Variants in UGGT1 observed in about 807,000 individuals in gnomAD.
UGGT1 encodes UDP-glucose:glycoprotein glucosyltransferase 1.
A neutral mutation model predicts 203.9 loss-of-function variants in UGGT1; 107 were observed. That is an observed-to-expected ratio of 0.52 (90% CI 0.45 to 0.62). The LOEUF (loss-of-function observed/expected upper bound fraction) is 0.62. Among genes scored for constraint, UGGT1 ranks in the 20% least tolerant of loss-of-function variants. The pLI is 0.00. For synonymous variants in UGGT1, 628 were observed against 653.5 expected (o/e 0.96, Z 0.59); for missense variants, 1,673 against 1,867.2 (o/e 0.90, Z 1.92).
intron 33 of UGGT1, among the ~76,000 whole-genome samples, chr2:128,178,184 G>A (rs768944351): frequency 2.0e-5 from 3 of 152,220 alleles, no homozygotes; most frequent in Non-Finnish European, 4.4e-5. Flanking sequence ...AAATTTGACT[G>A]CTCCCTGCTC....
chr2:128,111,327 C>G (rs1158893742), intron 5 of UGGT1, among the ~76,000 whole-genome samples: 2 of 151,942 alleles, frequency 1.3e-5, no homozygotes, highest in African/African-American at 4.8e-5. Context: ...TGCACTCTAC[C>G]TTGGGCAACA....
chr2:128,107,392 A>C (rs1175560284), intron 3 of UGGT1, among the ~76,000 whole-genome samples: 1 of 152,026 alleles, frequency 6.6e-6, no homozygotes, highest in Non-Finnish European at 1.5e-5. Flanking sequence ...TCCTCATGAC[A>C]CTGCTCAGTT....
chr2:128,133,316 C>G, intron 14 of UGGT1, 56 bp downstream of exon 14: 1 of 1,592,698 alleles, frequency 6.3e-7, no homozygotes, highest in Non-Finnish European at 8.6e-7. Flanking sequence ...CCTAGTCCCT[C>G]TTTTTTTGTC....
At chr2:128,120,174 C>T (rs1376474374) in intron 8 of UGGT1, among the ~76,000 whole-genome samples, 182 bp from the exon 9 acceptor site, 1 of 152,098 alleles carries the variant, frequency 6.6e-6, no homozygotes, top group East Asian at 1.9e-4. Context: ...GAGTTTTAAA[C>T]TAGCTTCTAA....
chr2:128,182,086 C>T (rs1172216427), intron 36 of UGGT1, 44 bp from the exon 37 acceptor site: 1 of 1,593,254 alleles, frequency 6.3e-7, no homozygotes. Context: ...CGCATTAGAG[C>T]TGTCTGCATG....
chr2:128,095,467 TTCCTCC>T (rs1383111022), intron 1 of UGGT1, among the ~76,000 whole-genome samples: 1 of 136,108 alleles, frequency 7.3e-6, no homozygotes, highest in African/African-American at 2.7e-5. Flanking sequence ...TTCTTTCCTC[TTCCTCC>T]TCCTCCTCTT....
intron 4 of UGGT1, among the ~76,000 whole-genome samples, chr2:128,108,461 C>T (rs546209571): frequency 2.6e-5 from 4 of 152,020 alleles, no homozygotes; most frequent in African/African-American, 9.7e-5. Flanking sequence ...ATTCAGGAAT[C>T]GTTGTAGTAA....
At chr2:128,112,262 A>G (rs1019704116) in intron 5 of UGGT1, among the ~76,000 whole-genome samples, 3 of 150,654 alleles carry the variant, frequency 2.0e-5, no homozygotes, top group South Asian at 4.2e-4. Context: ...CTCTACTAAA[A>G]ATACAAAAAT....
chr2:128,131,049 A>G (rs1364171754), intron 13 of UGGT1, among the ~76,000 whole-genome samples: 5 of 151,622 alleles, frequency 3.3e-5, no homozygotes, highest in South Asian at 2.1e-4. Context: ...CCTGGGCAAC[A>G]TGGTGAAACC....
At chr2:128,122,470 G>C (rs540286639) in intron 10 of UGGT1, among the ~76,000 whole-genome samples, 4 of 151,518 alleles carry the variant, frequency 2.6e-5, no homozygotes, top group African/African-American at 9.7e-5. Flanking sequence ...GGAGGTGAAG[G>C]TTACAGTGAG....
intron 26 of UGGT1, 106 bp from the exon 27 acceptor site, chr2:128,170,182 T>C: frequency 1.2e-6 from 1 of 858,498 alleles, no homozygotes; most frequent in Non-Finnish European, 1.9e-6. Context: ...TCTTTCTAGA[T>C]CTAAAGTTCT....
chr2:128,099,688 T>C lies in UGGT1; in HGVS notation c.194+2124T>C, dbSNP rs75123687. Reference sequence around the variant, plus strand: ...CTCTCTCTGCCTTTCTTTCTCAGCATAGAAGTGGCAAAACAAAGACAAAAC... The same window carrying C: ...CTCTCTCTGCCTTTCTTTCTCAGCACAGAAGTGGCAAAACAAAGACAAAAC... On this transcript the variant is annotated intron_variant, in intron 2 of 40. Coordinates refer to ENST00000259253, the MANE Select transcript of UGGT1 (RefSeq NM_020120.4). Among the ~76,000 whole-genome samples, 384 of 152,322 alleles carry C rather than the reference T, an allele frequency of 2.5e-3. 3 individuals are homozygous for C. Among genetic ancestry groups the C allele is most frequent in the African/African-American group, 8.9e-3 (370 of 41,582 alleles).
intron 5 of UGGT1, among the ~76,000 whole-genome samples, chr2:128,111,815 A>G (rs1687868117): frequency 6.6e-6 from 1 of 151,798 alleles, no homozygotes; most frequent in South Asian, 2.1e-4. Flanking sequence ...TTTTTAAATA[A>G]AAAGCTAATC....
intron 14 of UGGT1, among the ~76,000 whole-genome samples, chr2:128,134,439 A>C (rs1374702265): frequency 6.6e-6 from 1 of 152,240 alleles, no homozygotes; most frequent in Non-Finnish European, 1.5e-5. Flanking sequence ...GAATACGTCT[A>C]AGTTGCTTAA....
chr2:128,106,392 A>G (rs1335533693), intron 3 of UGGT1, among the ~76,000 whole-genome samples: 2 of 152,164 alleles, frequency 1.3e-5, no homozygotes, highest in African/African-American at 4.8e-5. Context: ...TGTTTGAAAT[A>G]TTATTTATAT....
intron 31 of UGGT1, among the ~76,000 whole-genome samples, chr2:128,175,253 A>G (rs1282662913): frequency 6.6e-6 from 1 of 152,228 alleles, no homozygotes; most frequent in Non-Finnish European, 1.5e-5. Context: ...TTGCAAATGC[A>G]CAGTACATGG....
intron 29 of UGGT1, 94 bp downstream of exon 29, chr2:128,172,856 A>G: frequency 8.4e-7 from 1 of 1,195,952 alleles, no homozygotes; most frequent in Non-Finnish European, 1.2e-6. Flanking sequence ...ATCAGTGTTC[A>G]GGTATGATAT....
chr2:128,176,818 G>A lies in UGGT1; in HGVS notation c.3544G>A (p.Asp1182Asn), dbSNP rs554215972. ...SEDIYRIYSH[D>N]GTDSPPDADE... ...GATCTTTCTTTTCTCGCAAAGCCAC[G>A]ATGGCACTGATTCTCCCCCTGATGC... Residue 1182 changes from aspartate (D) to asparagine (N), a missense_variant, in exon 32 of 41, where the codon GAT becomes AAT. Transcript: ENST00000259253. The A allele has an allele frequency of 2.0e-5, 33 of 1,613,868 alleles. 2 individuals carry two copies. In the South Asian group the frequency reaches 3.1e-4, roughly 15 times the overall value.
chr2:128,178,357 G>T (rs759475225), intron 33 of UGGT1, 111 bp from the exon 34 acceptor site: 55 of 931,754 alleles, frequency 5.9e-5, no homozygotes, highest in Non-Finnish European at 8.4e-5. Context: ...TCCTGCTGCA[G>T]CTCACCCGCT....
Sources: allele counts gnomAD v4.1 joint callset (sites outside exome capture counted in the v4.1 genomes callset), GRCh38; gene constraint gnomAD v4.1.1; transcripts MANE v1.5; gene names NCBI Gene and HGNC (gene_info 2026-07-23, HGNC 2026-07-21).